Variants in USH2A observed in about 807,000 individuals in gnomAD.
USH2A encodes Usher syndrome 2A (autosomal recessive, mild).
In USH2A, 443 loss-of-function variants were observed where a neutral mutation model predicts 538.9. That is an observed-to-expected ratio of 0.82 (90% CI 0.76 to 0.89). The LOEUF is 0.89. USH2A is among the 40% of genes least tolerant of loss of function. The probability of loss-of-function intolerance (pLI) is 0.00; values close to 1 mark genes in which losing one functional copy is unlikely to be tolerated. For synonymous variants in USH2A, 2,413 were observed against 2,273.5 expected (o/e 1.06, Z -1.75); for missense variants, 6,633 against 6,324.8 (o/e 1.05, Z -1.65).
intron 3 of USH2A, among the ~76,000 whole-genome samples, chr1:216,388,858 C>T (rs764643888): frequency 9.9e-5 from 15 of 152,178 alleles, no homozygotes; most frequent in East Asian, 1.9e-4. Flanking sequence ...TAACTTATCC[C>T]GCAGGTCTTT....
At position 216,365,058 on chromosome 1, in the gene USH2A, T is replaced by A; in HGVS notation, c.679A>T (p.Ile227Phe). 6.2e-7 allele frequency: 1 copy of A among 1,613,334 alleles called. No individual in the cohort carries two copies. ...GTATGATCCTTCTCCACGCCATTGA[T>A]AAAGAAGCTGATTTTTGTCTGATGC... ...QVHQTKISFF[I>F]NGVEKDHTPF... The change falls in exon 4 of 72, where the codon ATC (isoleucine) becomes TTC (phenylalanine). Residue 227 changes from isoleucine (I) to phenylalanine (F), a missense_variant. Ile to Phe is a conservative substitution (Grantham distance 21). Coordinates refer to ENST00000307340, the MANE Select transcript of USH2A (RefSeq NM_206933.4).
chr1:216,311,175 G>A (rs572825120), intron 9 of USH2A, among the ~76,000 whole-genome samples: 1 of 152,180 alleles, frequency 6.6e-6, no homozygotes, highest in Non-Finnish European at 1.5e-5. Context: ...TTCCCAGGCT[G>A]GGGATGACAG....
At chr1:215,911,129 G>A (rs997555876) in intron 38 of USH2A, among the ~76,000 whole-genome samples, 29 of 151,816 alleles carry the variant, frequency 1.9e-4, no homozygotes, top group African/African-American at 7.0e-4. Context: ...TTTGATACAG[G>A]CATGCAATGT....
chr1:216,069,012 T>C (rs1175040692), intron 30 of USH2A, among the ~76,000 whole-genome samples: 1 of 151,968 alleles, frequency 6.6e-6, no homozygotes, highest in Non-Finnish European at 1.5e-5. Flanking sequence ...TTTGGAAAAA[T>C]ATAAAATATT....
chr1:216,131,371 T>C (rs540814716), intron 21 of USH2A, among the ~76,000 whole-genome samples: 327 of 152,238 alleles, frequency 2.1e-3, no homozygotes, highest in Non-Finnish European at 3.8e-3. Flanking sequence ...CTCTTGGTCA[T>C]GAAATCCTTG....
intron 21 of USH2A, among the ~76,000 whole-genome samples, chr1:216,101,472 G>T (rs2032576109): frequency 1.3e-5 from 2 of 152,240 alleles, no homozygotes; most frequent in Non-Finnish European, 2.9e-5. Flanking sequence ...TGGACATGCG[G>T]TGTGCGCAGG....
intron 27 of USH2A, 35 bp from the exon 28 acceptor site, chr1:216,073,335 G>T: frequency 6.8e-7 from 1 of 1,464,676 alleles, no homozygotes; most frequent in South Asian, 1.2e-5. Flanking sequence ...TCGCATAAAG[G>T]GCTTGAGTCA....
intron 61 of USH2A, among the ~76,000 whole-genome samples, chr1:215,722,177 A>AT (rs1659683819): frequency 6.6e-6 from 1 of 152,046 alleles, no homozygotes; most frequent in South Asian, 2.1e-4. Flanking sequence ...GTTATTTCTT[A>AT]TTATAAAATG....
intron 13 of USH2A, among the ~76,000 whole-genome samples, chr1:216,237,816 A>G (rs1016657579): frequency 2.0e-5 from 3 of 152,096 alleles, no homozygotes; most frequent in Non-Finnish European, 2.9e-5. Flanking sequence ...AGTGTCTTTT[A>G]CTTTTTTTTG....
In USH2A at chr1:216,352,373, C is replaced by A. The variant is rs1199938105; in HGVS notation, c.784+12580G>T. ...AGAACGTATACCAAGGAGGAAGGAG[C>A]GATCAACTCCATTAAATGATGTTAA... On this transcript the variant is annotated intron_variant, in intron 4 of 71. Transcript: ENST00000307340. Among the ~76,000 whole-genome samples the A allele has an allele frequency of 2.6e-5, 4 of 152,004 alleles. No individual in the cohort carries two copies. The South Asian group carries it at 8.3e-4, about 32-fold the overall frequency.
chr1:216,339,917 T>G (rs2038043423), intron 4 of USH2A, among the ~76,000 whole-genome samples: 1 of 151,398 alleles, frequency 6.6e-6, no homozygotes, highest in African/African-American at 2.4e-5. Flanking sequence ...GTGTCACAAT[T>G]AAAAGAACTA....
intron 46 of USH2A, among the ~76,000 whole-genome samples, chr1:215,839,841 G>C (rs1378051519): frequency 6.6e-6 from 1 of 151,992 alleles, no homozygotes; most frequent in Non-Finnish European, 1.5e-5. Context: ...TTGTAAAAGG[G>C]ACATATAAAG....
chr1:216,063,927 C>A (rs911368731), intron 30 of USH2A, among the ~76,000 whole-genome samples: 1 of 152,130 alleles, frequency 6.6e-6, no homozygotes, highest in African/African-American at 2.4e-5. Context: ...TGAATGTGTG[C>A]TATACATGCA....
intron 47 of USH2A, among the ~76,000 whole-genome samples, chr1:215,818,052 T>C (rs1373769389): frequency 6.6e-6 from 1 of 152,042 alleles, no homozygotes; most frequent in African/African-American, 2.4e-5. Context: ...AATGAGATTT[T>C]CTTTTCTTTA....
intron 46 of USH2A, among the ~76,000 whole-genome samples, chr1:215,843,847 T>A (rs962292905): frequency 6.6e-6 from 1 of 152,144 alleles, no homozygotes; most frequent in Non-Finnish European, 1.5e-5. Context: ...CCATTGCGCT[T>A]ACAAAAGAGG....
At chr1:216,409,355 C>G (rs1453065367) in intron 3 of USH2A, among the ~76,000 whole-genome samples, 1 of 152,186 alleles carries the variant, frequency 6.6e-6, no homozygotes, top group South Asian at 2.1e-4. Flanking sequence ...CAAACAACGA[C>G]ATTCTTGGAA....
intron 32 of USH2A, among the ~76,000 whole-genome samples, chr1:216,013,385 C>T (rs1388111571): frequency 6.6e-6 from 1 of 151,684 alleles, no homozygotes; most frequent in Non-Finnish European, 1.5e-5. Context: ...CATACCATCC[C>T]CCAAAATTTT....
At chr1:216,012,567 G>T (rs1485161500) in intron 32 of USH2A, among the ~76,000 whole-genome samples, 1 of 152,056 alleles carries the variant, frequency 6.6e-6, no homozygotes, top group African/African-American at 2.4e-5. Flanking sequence ...TCTGATAACA[G>T]ACCAGCCTTT....
At chr1:216,102,777 G>A (rs1252826117) in intron 21 of USH2A, among the ~76,000 whole-genome samples, 1 of 151,978 alleles carries the variant, frequency 6.6e-6, no homozygotes, top group Non-Finnish European at 1.5e-5. Context: ...TCCAGCCTGG[G>A]CGACAGAACG....
Sources: gnomAD v4.1 joint callset for allele counts (sites outside exome capture counted in the v4.1 genomes callset) on GRCh38, gnomAD v4.1.1 for gene constraint, MANE v1.5 for transcripts, NCBI Gene and HGNC (gene_info 2026-07-23, HGNC 2026-07-21) for gene names.